NDUFAF6: variants seen among roughly 807,000 people sequenced by gnomAD.
NDUFAF6 encodes the protein NADH dehydrogenase (ubiquinone) complex I, assembly factor 6.
NDUFAF6 carries 45 observed loss-of-function variants against 40.8 expected under a neutral mutation model. That is an observed-to-expected ratio of 1.10 (90% confidence interval 0.87 to 1.42). The LOEUF is 1.42. NDUFAF6 is among the 40% of genes most tolerant of loss of function. The probability of loss-of-function intolerance (pLI) is 0.00; values close to 1 mark genes in which losing one functional copy is unlikely to be tolerated. For missense variants in NDUFAF6, 435 were observed against 418.5 expected, an observed-to-expected ratio of 1.04 and a Z score of -0.34; for synonymous variants, 185 against 155.9, an observed-to-expected ratio of 1.19 and a Z score of -1.39.
At chr8:94,901,197 T>C (rs2956216) in intron 1 of NDUFAF6, among the ~76,000 whole-genome samples, 114,782 of 152,026 alleles carry the variant, frequency 0.76, 43,417 homozygotes, top group Middle Eastern at 0.81. Flanking sequence ...CAACGAGGTT[T>C]GTATGGCTGG....
intron 2 of NDUFAF6, among the ~76,000 whole-genome samples, chr8:95,019,898 T>A (rs536430541): frequency 1.7e-3 from 262 of 152,232 alleles, no homozygotes; most frequent in African/African-American, 5.2e-3. Context: ...CTATATTTTT[T>A]AAAAAAATGG....
At chr8:95,084,062 G>T (rs376290133) in intron 2 of NDUFAF6, among the ~76,000 whole-genome samples, 4 of 152,250 alleles carry the variant, frequency 2.6e-5, no homozygotes, top group South Asian at 4.1e-4. Flanking sequence ...AATTGTGTAA[G>T]TTTGATAAAT....
At chr8:95,029,850 G>T (rs181083058) in intron 1 of NDUFAF6, among the ~76,000 whole-genome samples, 1 of 152,168 alleles carries the variant, frequency 6.6e-6, no homozygotes, top group East Asian at 1.9e-4. Context: ...CTATTATTAT[G>T]ATGTTAACCT....
intron 2 of NDUFAF6, among the ~76,000 whole-genome samples, chr8:95,086,818 T>C (rs1318539762): frequency 6.6e-5 from 10 of 152,070 alleles, no homozygotes; most frequent in African/African-American, 2.4e-4. Context: ...TTAGCCAGGA[T>C]GGTCTCGATC....
intron 2 of NDUFAF6, among the ~76,000 whole-genome samples, chr8:95,082,082 A>ACAAC (rs1563859318): frequency 6.6e-6 from 1 of 151,800 alleles, no homozygotes; most frequent in Non-Finnish European, 1.5e-5. Context: ...ACAACAAAAA[A>ACAAC]AAAAAAACTC....
intron 4 of NDUFAF6, among the ~76,000 whole-genome samples, chr8:95,043,171 G>A (rs921678209): frequency 8.9e-5 from 13 of 146,526 alleles, no homozygotes; most frequent in South Asian, 2.3e-4. Flanking sequence ...TGCAATCTCC[G>A]CCTCCTGGGT....
intron 2 of NDUFAF6, among the ~76,000 whole-genome samples, chr8:94,991,776 G>A (rs1826201967): frequency 6.7e-6 from 1 of 148,942 alleles, no homozygotes; most frequent in Non-Finnish European, 1.5e-5. Flanking sequence ...ATCAGTACAA[G>A]GAGAGCTTCC....
At chr8:94,906,011 T>A (rs1232532214) in intron 1 of NDUFAF6, among the ~76,000 whole-genome samples, 2 of 152,200 alleles carry the variant, frequency 1.3e-5, no homozygotes, top group African/African-American at 4.8e-5. Flanking sequence ...TGTTTATATT[T>A]TTTCATGTCA....
rs78634159 is a variant in NDUFAF6, at chr8:94,948,331, T to C, written c.-799+2712T>C. Among the ~76,000 whole-genome samples, 6 of 152,268 alleles carry C rather than the reference T, an allele frequency of 3.9e-5. No homozygotes were observed. The South Asian group carries it at 1.2e-3, about 32-fold the overall frequency. On this transcript the variant is annotated intron_variant, in intron 2 of 14. Transcript: ENST00000396113. ...GTAAGATAGCCGGGCCTATTTCATA[T>C]AAGGTTATTATGAGAATCAACTGGG... is the stretch of plus-strand genomic sequence containing the variant.
intron 2 of NDUFAF6, among the ~76,000 whole-genome samples, chr8:95,102,527 T>C (rs975764265): frequency 6.6e-6 from 1 of 152,192 alleles, no homozygotes; most frequent in African/African-American, 2.4e-5. Flanking sequence ...GTCTCATTGA[T>C]TGACAGAGGA....
intron 2 of NDUFAF6, among the ~76,000 whole-genome samples, chr8:94,985,913 G>A (rs1309937849): frequency 3.5e-5 from 5 of 143,242 alleles, no homozygotes; most frequent in African/African-American, 7.9e-5. Context: ...TCACTCTATC[G>A]CCCAGGCTGG....
chr8:94,951,891 A>G (rs1226195714), intron 2 of NDUFAF6, among the ~76,000 whole-genome samples: 1 of 152,194 alleles, frequency 6.6e-6, no homozygotes, highest in African/African-American at 2.4e-5. Context: ...GTCTGAACAC[A>G]ACCAAACTGT....
At chr8:94,968,394 C>T (rs1240269030) in intron 1 of NDUFAF6, among the ~76,000 whole-genome samples, 2 of 152,150 alleles carry the variant, frequency 1.3e-5, no homozygotes, top group Non-Finnish European at 1.5e-5. Flanking sequence ...GGAAGAAAAT[C>T]AACGCAGAGT....
intron 1 of NDUFAF6, among the ~76,000 whole-genome samples, chr8:94,933,762 C>CAA (rs200405745): frequency 4.2e-5 from 5 of 118,274 alleles, no homozygotes; most frequent in African/African-American, 1.5e-4. Flanking sequence ...AAGACTCTCT[C>CAA]AAAAAAAACC....
chr8:94,928,037 A>T (rs969084801), intron 1 of NDUFAF6: 1 of 152,356 alleles, frequency 6.6e-6, no homozygotes, highest in Non-Finnish European at 1.5e-5. Flanking sequence ...TCTAATAACC[A>T]AGAGTTTCAA....
At chr8:95,076,149 C>T (rs1156398754) in exon 10 of NDUFAF6, 1 of 153,676 alleles carries the variant, frequency 6.5e-6, no homozygotes, top group Admixed American at 6.4e-5. Context: ...TCCTTCCTCA[C>T]ACAATTCACA....
intron 2 of NDUFAF6, among the ~76,000 whole-genome samples, chr8:94,997,568 A>G (rs1826513446): frequency 6.6e-6 from 1 of 152,184 alleles, no homozygotes; most frequent in Non-Finnish European, 1.5e-5. Context: ...CTCCACAGCC[A>G]TTCTTGTTCC....
intron 1 of NDUFAF6, among the ~76,000 whole-genome samples, chr8:94,909,786 G>A (rs1331360566): frequency 6.8e-6 from 1 of 146,978 alleles, no homozygotes; most frequent in Admixed American, 6.8e-5. Flanking sequence ...AATTATATAT[G>A]TGTATATATA....
intron 1 of NDUFAF6, among the ~76,000 whole-genome samples, chr8:94,920,744 G>A (rs867596152): frequency 5.4e-4 from 83 of 152,344 alleles, no homozygotes; most frequent in African/African-American, 1.8e-3. Context: ...CTCCTGGAAA[G>A]CTGCACACTG....
Sources: gnomAD v4.1 joint callset for allele counts (sites outside exome capture counted in the v4.1 genomes callset) on GRCh38, gnomAD v4.1.1 for gene constraint, MANE v1.5 for transcripts, NCBI Gene and HGNC (gene_info 2026-07-23, HGNC 2026-07-21) for gene names.